The following ZNF141 variants were observed in gnomAD, a reference collection of about 807,000 sequenced individuals.
ZNF141 encodes the protein zinc finger protein 141.
Under a neutral mutation model 11.3 loss-of-function variants are expected in ZNF141, and 7 were observed. That is an observed-to-expected ratio of 0.62 (90% CI 0.35 to 1.16). ZNF141 has a LOEUF of 1.16. Among genes scored for constraint, ZNF141 ranks in the 50% most tolerant of loss-of-function variants. ZNF141 has a pLI of 0.02. For missense variants in ZNF141, 535 were observed against 554.0 expected (o/e 0.97, Z 0.34); for synonymous variants, 183 against 190.7 (o/e 0.96, Z 0.33).
In ZNF141 at chr4:381,667, C is replaced by T. The variant is rs1712623801; in HGVS notation, c.*7805C>T. Among the ~76,000 whole-genome samples, 1 of 152,012 alleles carries T rather than the reference C, an allele frequency of 6.6e-6. No individual in the cohort carries two copies. The highest frequency in any genetic ancestry group is 2.1e-4 in the South Asian group (1 of 4,822). On this transcript the variant is annotated 3_prime_UTR_variant, in exon 4 of 4. Coordinates refer to ENST00000240499, the MANE Select transcript of ZNF141 (RefSeq NM_003441.4). ...TTAAGTGATCCACCCAGTCAGCCTC[C>T]CAAAGTGCTGGGATTACAGGCGTGA...
Position 382,904 on chromosome 4 carries a change from T to G in ZNF141, c.*9042T>G. Reference sequence around the variant, plus strand: ...CAAGAAAAGTCATGATAAAATTGATTGCAAAAACAGCAATTTGAAAAATTT... The same window carrying G: ...CAAGAAAAGTCATGATAAAATTGATGGCAAAAACAGCAATTTGAAAAATTT... On this transcript the variant is annotated 3_prime_UTR_variant, in exon 4 of 4. Coordinates refer to ENST00000240499, the MANE Select transcript of ZNF141 (RefSeq NM_003441.4). The G allele has an allele frequency of 4.1e-6, 2 of 482,264 alleles. No homozygotes were observed. The allele number at this position is 482,264 out of a possible 1,614,324, so 29.9% of individuals were successfully genotyped here.
At chr4:351,819 G>C (rs947455650) in intron 3 of ZNF141, among the ~76,000 whole-genome samples, 1 of 152,282 alleles carries the variant, frequency 6.6e-6, no homozygotes, top group Non-Finnish European at 1.5e-5. Flanking sequence ...AAATTAGACA[G>C]GGAAGGAGCC....
chr4:365,911 T>C (rs114833870), intron 3 of ZNF141, among the ~76,000 whole-genome samples: 1 of 152,362 alleles, frequency 6.6e-6, no homozygotes, highest in African/African-American at 2.4e-5. Flanking sequence ...TTTCCAAATG[T>C]GTGTTCTTGA....
At chr4:369,770 T>TATATATAC (rs1711964295) in intron 3 of ZNF141, among the ~76,000 whole-genome samples, 1 of 54,262 alleles carries the variant, frequency 1.8e-5, no homozygotes, top group Non-Finnish European at 4.1e-5. Flanking sequence ...ATATATTTTT[T>TATATATAC]TTTTTTTTTT....
intron 1 of ZNF141, among the ~76,000 whole-genome samples, chr4:340,538 C>G (rs1051497309): frequency 6.6e-6 from 1 of 152,142 alleles, no homozygotes; most frequent in Non-Finnish European, 1.5e-5. Context: ...CTCCCCTTGC[C>G]CAAATGCCCA....
rs1712168840 is a variant in ZNF141 at position 373,220 on chromosome 4, C to T, written c.783C>T (p.Gly261=). ...GEKPYKCEEC[G]KAFNRFTTLT... is the part of the protein sequence containing the mutation. ...AACCCTATAAATGTGAAGAATGTGG[C>T]AAAGCCTTTAATAGGTTCACAACCC... Residue 261 remains glycine (G), a synonymous_variant, in exon 4 of 4, where the codon GGC becomes GGT. Transcript: ENST00000240499. 2 of 1,613,906 alleles carry T rather than the reference C, an allele frequency of 1.2e-6. No homozygotes were observed. Among genetic ancestry groups the T allele is most frequent in the Non-Finnish European group, 1.7e-6 (2 of 1,180,008 alleles).
At chr4:340,796 C>T (rs1341877199) in intron 1 of ZNF141, among the ~76,000 whole-genome samples, 1 of 152,228 alleles carries the variant, frequency 6.6e-6, no homozygotes, top group East Asian at 1.9e-4. Flanking sequence ...ATACTGGACA[C>T]TATAACCCAC....
In ZNF141 at chr4:379,167, CATTT is replaced by C. The variant is rs1298409757; in HGVS notation, c.*5307_*5310del. Among the ~76,000 whole-genome samples, 1 of 151,900 alleles carries C rather than the reference CATTT, an allele frequency of 6.6e-6. No homozygotes were observed. The highest frequency in any genetic ancestry group is 6.6e-5 in the Admixed American group (1 of 15,236). ...CTCTCAGTGATTTTTGATGCAAATT[CATTT>C]ACTGTGTTCACGAAGTGGCCAATTT... is the stretch of plus-strand genomic sequence containing the variant. On this transcript the variant is annotated 3_prime_UTR_variant, in exon 4 of 4. Coordinates refer to ENST00000240499, the MANE Select transcript of ZNF141 (RefSeq NM_003441.4).
At chr4:356,259 T>G (rs1180201703) in intron 3 of ZNF141, among the ~76,000 whole-genome samples, 2 of 151,442 alleles carry the variant, frequency 1.3e-5, no homozygotes, top group Non-Finnish European at 2.9e-5. Flanking sequence ...ATAATACTAT[T>G]AATCCTTTCA....
intron 3 of ZNF141, 50 bp downstream of exon 3, chr4:344,480 C>A: frequency 6.6e-7 from 1 of 1,522,806 alleles, no homozygotes; most frequent in South Asian, 1.2e-5. Context: ...GACCAAAGGT[C>A]AAGAAGGAAG....
intron 3 of ZNF141, among the ~76,000 whole-genome samples, chr4:366,354 G>A (rs1448641328): frequency 6.6e-6 from 1 of 152,168 alleles, no homozygotes; most frequent in African/African-American, 2.4e-5. Context: ...TGTTGCCCAG[G>A]CTGGAGTGCA....
At chr4:371,285 G>T (rs562513985) in intron 3 of ZNF141, among the ~76,000 whole-genome samples, 1 of 149,748 alleles carries the variant, frequency 6.7e-6, no homozygotes, top group Admixed American at 6.6e-5. Context: ...AGGCTGGAGT[G>T]CAATGGTGCA....
Position 381,354 on chromosome 4 carries a change from TAAGA to T in ZNF141, c.*7498_*7501del, listed in dbSNP as rs1553855579. ...ACAGCTCTGACCAAACCCCTAGAAC[TAAGA>T]AAGAACCAAAAAGTTACTATTTAAT... On this transcript the variant is annotated 3_prime_UTR_variant, in exon 4 of 4. Coordinates refer to ENST00000240499, the MANE Select transcript of ZNF141 (RefSeq NM_003441.4). Among the ~76,000 whole-genome samples the T allele has an allele frequency of 6.9e-6, 1 of 145,724 alleles. No individual in the cohort carries two copies. Among genetic ancestry groups the T allele is most frequent in the African/African-American group, 2.5e-5 (1 of 39,696 alleles).
rs1413445819 is a variant in ZNF141, at chr4:372,925, G to GT, written c.489dup (p.Lys164Ter). ...AGTAAATTTTCAAATTCAAACAAAC[G>GT]TAAGACAAGACATACTGGAGAGAAA... On this transcript the variant is annotated frameshift_variant, in exon 4 of 4. Transcript: ENST00000240499. LOFTEE classifies it low-confidence loss of function (END_TRUNC). 1 of 1,613,894 alleles carries GT rather than the reference G, an allele frequency of 6.2e-7. No homozygotes were observed. The highest frequency in any genetic ancestry group is 8.5e-7 in the Non-Finnish European group (1 of 1,179,934).
chr4:339,740 G>T (rs1482093867), intron 1 of ZNF141, among the ~76,000 whole-genome samples: 1 of 152,014 alleles, frequency 6.6e-6, no homozygotes, highest in Non-Finnish European at 1.5e-5. Context: ...TTGTCTTTAG[G>T]ACATGGAAAC....
In ZNF141 at chr4:373,703, C is replaced by T. The variant is rs782074457; in HGVS notation, c.1266C>T (p.Pro422=). Residue 422 remains proline (P), a synonymous_variant, in exon 4 of 4, where the codon CCC becomes CCT. Coordinates refer to ENST00000240499, the MANE Select transcript of ZNF141 (RefSeq NM_003441.4). ...QHKKIHSADK[P]YKCKECDKAF... is the part of the protein sequence containing the mutation. The stretch of plus-strand genomic sequence containing the variant: ...AGAAAATTCATAGTGCAGATAAACC[C>T]TACAAATGTAAAGAATGTGACAAAG... 1 of 1,614,086 alleles carries T rather than the reference C, an allele frequency of 6.2e-7. No homozygotes were observed. The highest frequency in any genetic ancestry group is 2.2e-5 in the East Asian group (1 of 44,882).
chr4:356,656 C>T (rs957241819), intron 3 of ZNF141, among the ~76,000 whole-genome samples: 2 of 152,182 alleles, frequency 1.3e-5, no homozygotes, highest in Admixed American at 6.5e-5. Flanking sequence ...AATTTTAACA[C>T]GAATTTTGAG....
intron 3 of ZNF141, among the ~76,000 whole-genome samples, chr4:353,454 A>AT (rs1236816411): frequency 1.6e-5 from 2 of 125,550 alleles, no homozygotes; most frequent in African/African-American, 6.6e-5. Context: ...TTAATTTATT[A>AT]TTATTATTAT....
In ZNF141 at chr4:384,568, C is replaced by T. The variant is rs377544736; in HGVS notation, c.*10706C>T. The T allele has an allele frequency of 1.3e-5, 2 of 152,344 alleles. No homozygotes were observed. The highest frequency in any genetic ancestry group is 4.8e-5 in the African/African-American group (2 of 41,568). 9.4% of individuals were successfully genotyped at this position (152,344 alleles called of 1,614,324 possible). ...CTTGACCCAGCTCCTTATAATGTTA[C>T]TAACATGACATAAATATTTTGGTTT... On this transcript the variant is annotated 3_prime_UTR_variant, in exon 4 of 4. Coordinates refer to ENST00000240499, the MANE Select transcript of ZNF141 (RefSeq NM_003441.4).
Sources: allele counts gnomAD v4.1 joint callset (sites outside exome capture counted in the v4.1 genomes callset), GRCh38; gene constraint gnomAD v4.1.1; transcripts MANE v1.5; gene names NCBI Gene and HGNC (gene_info 2026-07-23, HGNC 2026-07-21).